Variants in ZNF616 observed in about 807,000 individuals in gnomAD.
ZNF616 encodes the protein zinc finger protein 616.
ZNF616 carries 5 observed loss-of-function variants against 7.6 expected under a neutral mutation model. The ratio of observed to expected loss-of-function variants is 0.66; its 90% CI spans 0.34 to 1.38. The LOEUF (loss-of-function observed/expected upper bound fraction) is 1.38, where lower values mean the gene tolerates loss of function less well. Among genes scored for constraint, ZNF616 ranks in the 40% most tolerant of loss-of-function variants. The pLI is 0.04. For missense variants in ZNF616, 913 were observed against 948.3 expected (o/e 0.96, Z 0.49); for synonymous variants, 319 against 317.2 (o/e 1.01, Z -0.06).
At chr19:52,129,266 C>A (rs750506520) in intron 2 of ZNF616, among the ~76,000 whole-genome samples, 1 of 151,986 alleles carries the variant, frequency 6.6e-6, no homozygotes, top group Non-Finnish European at 1.5e-5. Context: ...GTGACAAGAG[C>A]GAGACTCCGT....
rs567048371 is a variant in ZNF616 at position 52,139,525 on chromosome 19, G to A, written c.-77+207C>T. Among the ~76,000 whole-genome samples the A allele has an allele frequency of 1.3e-5, 2 of 152,262 alleles. No individual in the cohort carries two copies. The highest frequency in any genetic ancestry group is 6.5e-5 in the Admixed American group (1 of 15,296). ...CCCTCCAGGCGTCGACAAGGGCGAA[G>A]CTCGGGGGTCTCGACTGGTGGGAAT... On this transcript the variant is annotated intron_variant, in intron 1 of 3. Coordinates refer to ENST00000600228, the MANE Select transcript of ZNF616 (RefSeq NM_178523.5). The surrounding 1 kb of genome is among the most constrained non-coding windows in gnomAD (Gnocchi z 4.1).
At chr19:52,131,032 G>A (rs1461569300) in intron 1 of ZNF616, among the ~76,000 whole-genome samples, 1 of 152,194 alleles carries the variant, frequency 6.6e-6, no homozygotes, top group Non-Finnish European at 1.5e-5. Context: ...ACTTTGGGAG[G>A]TCGAGGCGGG....
chr19:52,129,985 G>A (rs1273283593), intron 2 of ZNF616, among the ~76,000 whole-genome samples: 1 of 152,070 alleles, frequency 6.6e-6, no homozygotes, highest in African/African-American at 2.4e-5. Context: ...GTTTCACCAT[G>A]TTGGCTCAAA....
intron 1 of ZNF616, among the ~76,000 whole-genome samples, chr19:52,132,528 G>T (rs555362556): frequency 2.0e-5 from 3 of 152,172 alleles, no homozygotes; most frequent in Non-Finnish European, 4.4e-5. Context: ...GATTTGTGAT[G>T]AATGGTTTCG....
chr19:52,139,286 C>G lies in ZNF616; in HGVS notation c.-77+446G>C, dbSNP rs1057132221. On this transcript the variant is annotated intron_variant, in intron 1 of 3. Transcript: ENST00000600228. The surrounding 1 kb of genome is among the most constrained non-coding windows in gnomAD (Gnocchi z 4.1). ...ACGACAGTGGGTGTCACAAGACAGA[C>G]TCGGGTGACCTCCTGCAACGCGGAG... is the stretch of plus-strand genomic sequence containing the variant. Among the ~76,000 whole-genome samples, 1 of 152,152 alleles carries G rather than the reference C, an allele frequency of 6.6e-6. No homozygotes were observed. The highest frequency in any genetic ancestry group is 2.4e-5 in the African/African-American group (1 of 41,422).
chr19:52,122,977 G>A (rs1183437990), intron 3 of ZNF616, among the ~76,000 whole-genome samples: 1 of 152,074 alleles, frequency 6.6e-6, no homozygotes, highest in Non-Finnish European at 1.5e-5. Flanking sequence ...GGAGAAATGG[G>A]AGTAAAAGAA....
intron 2 of ZNF616, 83 bp downstream of exon 2, chr19:52,130,418 T>G (rs1207584187): frequency 1.6e-6 from 2 of 1,276,472 alleles, no homozygotes; most frequent in African/African-American, 2.9e-5. Flanking sequence ...GATTTGCAAC[T>G]CCGACGCCCT....
Position 52,139,341 on chromosome 19 carries a change from G to T in ZNF616, c.-77+391C>A, listed in dbSNP as rs2089038897. Among the ~76,000 whole-genome samples the T allele has an allele frequency of 6.6e-6, 1 of 152,182 alleles. No individual in the cohort carries two copies. Among genetic ancestry groups the T allele is most frequent in the African/African-American group, 2.4e-5 (1 of 41,434 alleles). On this transcript the variant is annotated intron_variant, in intron 1 of 3. Transcript: ENST00000600228. This position sits in a 1 kb window ranked among gnomAD's most constrained non-coding sequence, Gnocchi z 4.1. ...GAAAAGCAGTGGCTGTGAAGGGGCA[G>T]CCTGGGGAGGGGAAGGACCCGGCGT... is the stretch of plus-strand genomic sequence containing the variant.
intron 1 of ZNF616, among the ~76,000 whole-genome samples, chr19:52,133,523 T>TTGTG (rs895289442): frequency 6.6e-6 from 1 of 151,850 alleles, no homozygotes; most frequent in Non-Finnish European, 1.5e-5. Context: ...ACCTGGGTTT[T>TTGTG]TGTGTGTGTG....
At position 52,122,667 on chromosome 19, in the gene ZNF616, G is replaced by A. The variant is rs928408848; in HGVS notation, c.139+1256C>T. On this transcript the variant is annotated intron_variant, in intron 3 of 3. Coordinates refer to ENST00000600228, the MANE Select transcript of ZNF616 (RefSeq NM_178523.5). The stretch of plus-strand genomic sequence containing the variant: ...TTTTTTTTTTTTGAGATGGAGTCTC[G>A]CTCTGTCACCAGGCTGGAGTGCAGT... Among the ~76,000 whole-genome samples the A allele has an allele frequency of 4.9e-5, 7 of 142,942 alleles. No individual in the cohort carries two copies. The South Asian group carries it at 8.9e-4, about 18-fold the overall frequency. 93.8% of individuals were successfully genotyped at this position (142,942 alleles called of 152,430 possible).
Position 52,114,906 on chromosome 19 carries a change from G to C in ZNF616, c.2258C>G (p.Ser753Cys), listed in dbSNP as rs556676829. 200 of 1,614,012 alleles carry C rather than the reference G, an allele frequency of 1.2e-4. No individual in the cohort carries two copies. The South Asian group carries it at 2.0e-3, about 16-fold the overall frequency. The change falls in exon 4 of 4, where the codon TCT (serine) becomes TGT (cysteine). Residue 753 changes from serine (S) to cysteine (C), a missense_variant. By Grantham distance (112) the Ser-to-Cys change is moderately radical (BLOSUM62 -1). Transcript: ENST00000600228. ...KPYKCNECGK[S>C]FICRSGLTKH... ...AGTGAGGCCTGAGCGACAAATAAAA[G>C]ATTTCCCACACTCATTACATTTATA... is the stretch of plus-strand genomic sequence containing the variant.
At chr19:52,128,657 G>A (rs10414734) in intron 2 of ZNF616, among the ~76,000 whole-genome samples, 15,380 of 151,192 alleles carry the variant, frequency 0.1, 2,445 homozygotes, top group African/African-American at 0.34. Flanking sequence ...CAGAAGAATC[G>A]CTTGAACCTG....
Position 52,130,549 on chromosome 19 carries a change from G to GT in ZNF616, c.-38_-37insA. 1 of 1,596,520 alleles carries GT rather than the reference G, an allele frequency of 6.3e-7. No homozygotes were observed. The highest frequency in any genetic ancestry group is 8.5e-7 in the Non-Finnish European group (1 of 1,173,450). Reference sequence around the variant, plus strand: ...TTTCCTTCCTCTTCTTCCTCTTCTGGGTTTCTTTCTCAGTCAATGTAATTA... The same window carrying GT: ...TTTCCTTCCTCTTCTTCCTCTTCTGGTGTTTCTTTCTCAGTCAATGTAATTA... On this transcript the variant is annotated 5_prime_UTR_variant, in exon 2 of 4. Transcript: ENST00000600228.
Position 52,115,391 on chromosome 19 carries a change from A to G in ZNF616, c.1773T>C (p.His591=). The G allele has an allele frequency of 6.2e-7, 1 of 1,614,044 alleles. No homozygotes were observed. The highest frequency in any genetic ancestry group is 8.5e-7 in the Non-Finnish European group (1 of 1,180,002). ...ECGKVYSQYS[H]LVGHRRVHTG... The stretch of plus-strand genomic sequence containing the variant: ...TATGAACTCTTCGATGCCCTACAAG[A>G]TGTGAATACTGACTGTAGACCTTGC... The change falls in exon 4 of 4, where the codon CAT becomes CAC. Residue 591 remains histidine (H), a synonymous_variant. Coordinates refer to ENST00000600228, the MANE Select transcript of ZNF616 (RefSeq NM_178523.5).
chr19:52,138,178 C>T (rs1398525684), intron 1 of ZNF616, among the ~76,000 whole-genome samples: 1 of 152,140 alleles, frequency 6.6e-6, no homozygotes, highest in Non-Finnish European at 1.5e-5. Flanking sequence ...AAAGATACAT[C>T]TTGTAGTGAC....
intron 2 of ZNF616, among the ~76,000 whole-genome samples, chr19:52,126,238 G>T (rs536454526): frequency 6.6e-6 from 1 of 152,160 alleles, no homozygotes; most frequent in South Asian, 2.1e-4. Context: ...GAATTAAAAA[G>T]AAATGTGGGC....
At chr19:52,136,360 A>G (rs948372284) in intron 1 of ZNF616, among the ~76,000 whole-genome samples, 1 of 152,018 alleles carries the variant, frequency 6.6e-6, no homozygotes, top group Non-Finnish European at 1.5e-5. Flanking sequence ...AGGTGCCTGT[A>G]ATCTCAGGTG....
intron 1 of ZNF616, among the ~76,000 whole-genome samples, chr19:52,135,189 C>T (rs1221322160): frequency 6.6e-6 from 1 of 152,086 alleles, no homozygotes; most frequent in Non-Finnish European, 1.5e-5. Context: ...GGGTCCACAC[C>T]CTTCCCAGAT....
At chr19:52,132,990 G>A (rs1003720328) in intron 1 of ZNF616, among the ~76,000 whole-genome samples, 2 of 152,114 alleles carry the variant, frequency 1.3e-5, no homozygotes, top group African/African-American at 4.8e-5. Flanking sequence ...GAGGTGACAA[G>A]AAAATTAAAC....
Sources: gnomAD v4.1 joint callset for allele counts (sites outside exome capture counted in the v4.1 genomes callset) on GRCh38, gnomAD v4.1.1 for gene constraint, Gnocchi (gnomAD v3.1) non-coding constraint, MANE v1.5 for transcripts, NCBI Gene and HGNC (gene_info 2026-07-23, HGNC 2026-07-21) for gene names.